The following SDK1 variants were observed in gnomAD, a reference collection of about 807,000 sequenced individuals.
The protein encoded by SDK1 is sidekick cell adhesion molecule 1, also known as protein sidekick-1.
In SDK1, 157 loss-of-function variants were observed where a neutral mutation model predicts 245.5. That is an observed-to-expected ratio of 0.64 (90% CI 0.56 to 0.73). SDK1 has a LOEUF of 0.73. Ranked by LOEUF, SDK1 falls within the 30% of genes least tolerant of loss-of-function variation. The pLI is 0.00. For synonymous variants in SDK1, 1,647 were observed against 1,278.5 expected (o/e 1.29, Z -6.15); for missense variants, 3,583 against 3,002.3 (o/e 1.19, Z -4.52).
intron 1 of SDK1, among the ~76,000 whole-genome samples, chr7:3,428,934 A>C (rs1282933213): frequency 1.3e-5 from 2 of 152,250 alleles, no homozygotes; most frequent in East Asian, 3.8e-4. Flanking sequence ...ATGAGAGATC[A>C]GCAGCAGTGG....
At chr7:4,099,606 C>T (rs1782403430) in intron 22 of SDK1, among the ~76,000 whole-genome samples, 1 of 125,966 alleles carries the variant, frequency 7.9e-6, no homozygotes, top group South Asian at 3.3e-4. Context: ...AAGGTACTAC[C>T]TCCAGGTGAG....
chr7:4,041,702 C>G lies in SDK1; in HGVS notation c.2603-7646C>G, dbSNP rs1220577778. Among the ~76,000 whole-genome samples, 5 of 138,784 alleles carry G rather than the reference C, an allele frequency of 3.6e-5. 1 individual carries two copies. Among genetic ancestry groups the G allele is most frequent in the African/African-American group, 1.6e-4 (5 of 31,068 alleles). The allele number at this position is 138,784 out of a possible 152,430, so 91.0% of individuals were successfully genotyped here. A position where few individuals can be genotyped will look rare whatever the true frequency, so the allele number is the denominator to read the frequency against. On this transcript the variant is annotated intron_variant, in intron 17 of 44. Transcript: ENST00000404826. ...CATATGTAGTTGGAATCACACAACA[C>G]ATGGCTTTTCCAGAATGACATCTTT...
At chr7:4,222,486 G>A (rs1785201461) in intron 40 of SDK1, among the ~76,000 whole-genome samples, 1 of 151,966 alleles carries the variant, frequency 6.6e-6, no homozygotes, top group Admixed American at 6.6e-5. Flanking sequence ...GTAGAGAGGG[G>A]GTTTCACCAT....
chr7:3,762,226 A>G (rs1295650113), intron 4 of SDK1, among the ~76,000 whole-genome samples: 1 of 151,258 alleles, frequency 6.6e-6, no homozygotes, highest in Non-Finnish European at 1.5e-5. Flanking sequence ...AGTACCTCCT[A>G]TGGGACATTC....
At chr7:3,664,831 C>G (rs986590620) in intron 4 of SDK1, among the ~76,000 whole-genome samples, 2 of 151,964 alleles carry the variant, frequency 1.3e-5, no homozygotes, top group African/African-American at 2.4e-5. Flanking sequence ...AACTTGGCAT[C>G]TTTCTTACGG....
intron 1 of SDK1, among the ~76,000 whole-genome samples, chr7:3,384,682 G>C (rs1002712954): frequency 6.6e-6 from 1 of 152,148 alleles, no homozygotes; most frequent in Admixed American, 6.5e-5. Context: ...GCCACATCGC[G>C]AATTTCCAGC....
chr7:3,856,293 G>A (rs1025273312), intron 5 of SDK1, among the ~76,000 whole-genome samples: 1 of 151,932 alleles, frequency 6.6e-6, no homozygotes, highest in Non-Finnish European at 1.5e-5. Context: ...AAAAAATAAT[G>A]TAAATCTGAT....
At chr7:3,849,108 G>A (rs567497052) in intron 5 of SDK1, among the ~76,000 whole-genome samples, 16 of 152,156 alleles carry the variant, frequency 1.1e-4, no homozygotes, top group Middle Eastern at 3.4e-3. Flanking sequence ...TCCATTTGCC[G>A]TCCGAACTTT....
At chr7:3,841,136 C>T (rs769052758) in intron 5 of SDK1, among the ~76,000 whole-genome samples, 14 of 152,202 alleles carry the variant, frequency 9.2e-5, no homozygotes, top group African/African-American at 2.7e-4. Context: ...AGTGAGCTGA[C>T]GGTGCCTTGC....
chr7:3,772,750 G>C (rs577462179), intron 4 of SDK1, among the ~76,000 whole-genome samples: 1 of 152,210 alleles, frequency 6.6e-6, no homozygotes. Flanking sequence ...ATTTTTTGCA[G>C]AGCAGTCTAC....
rs535801544 is a variant in SDK1, at chr7:4,017,412, A to G, written c.2602+60A>G. On this transcript the variant is annotated intron_variant, in intron 17 of 44. Transcript: ENST00000404826. ...TCTTTGCCGGGGAATGGGATTTGCA[A>G]GGTTTGACTGGAGTACGTTAGAAAG... The G allele has an allele frequency of 6.4e-5, 94 of 1,474,684 alleles. No homozygotes were observed. In the East Asian group the frequency reaches 1.5e-3, roughly 23 times the overall value. The allele number at this position is 1,474,684 out of a possible 1,614,324, so 91.3% of individuals were successfully genotyped here. A position where few individuals can be genotyped will look rare whatever the true frequency, so the allele number is the denominator to read the frequency against.
intron 22 of SDK1, among the ~76,000 whole-genome samples, chr7:4,081,115 G>A (rs1289957456): frequency 6.6e-6 from 1 of 152,208 alleles, no homozygotes; most frequent in Admixed American, 6.5e-5. Flanking sequence ...AGCGCTCTCT[G>A]CAGGCTTTAG....
chr7:4,216,081 TG>T (rs1333981330), intron 38 of SDK1, among the ~76,000 whole-genome samples: 1 of 152,214 alleles, frequency 6.6e-6, no homozygotes, highest in African/African-American at 2.4e-5. Flanking sequence ...GCACTCATCC[TG>T]GCAGCTGCTC....
At chr7:4,174,137 T>G in intron 32 of SDK1, 85 bp from the exon 33 acceptor site, 1 of 1,471,612 alleles carries the variant, frequency 6.8e-7, no homozygotes, top group Non-Finnish European at 9.4e-7. Context: ...AGCTGGCTAG[T>G]TAAACAGGGG....
chr7:3,885,385 C>T (rs73294613), intron 5 of SDK1, among the ~76,000 whole-genome samples: 6,116 of 152,276 alleles, frequency 0.04, 424 homozygotes, highest in African/African-American at 0.14. Context: ...GACACACACT[C>T]ATCACATTCC....
At chr7:3,331,715 T>C (rs1562419394) in intron 1 of SDK1, among the ~76,000 whole-genome samples, 4 of 152,206 alleles carry the variant, frequency 2.6e-5, no homozygotes, top group African/African-American at 2.4e-5. Context: ...TTCCTTTGGA[T>C]ACCAGGTTCA....
chr7:3,916,472 GGGGTTTATTTGAACTCTTGC>G (rs1779384223), intron 5 of SDK1, among the ~76,000 whole-genome samples: 1 of 152,164 alleles, frequency 6.6e-6, no homozygotes, highest in South Asian at 2.1e-4. Flanking sequence ...TGATAGAAAA[GGGGTTTATTTGAACTCTTGC>G]CATCTTTGTC....
Position 3,950,952 on chromosome 7 carries a change from C to G in SDK1, c.877C>G (p.Pro293Ala), listed in dbSNP as rs765690257. The G allele has an allele frequency of 1.2e-6, 2 of 1,614,072 alleles. No homozygotes were observed. The highest frequency in any genetic ancestry group is 1.1e-5 in the South Asian group (1 of 91,062). ...RDVGTPETMA[P>A]TIVVPPGNRS... ...TGTTGGCACACCTGAAACCATGGCCCCAACCATTGTGGTTCCCCCGGGCAA... is the reference window on the plus strand; with the variant it reads ...TGTTGGCACACCTGAAACCATGGCCGCAACCATTGTGGTTCCCCCGGGCAA... The change falls in exon 6 of 45, where the codon CCA becomes GCA. Residue 293 changes from proline (P) to alanine (A), a missense_variant. By Grantham distance (27) the Pro-to-Ala change is conservative. Coordinates refer to ENST00000404826, the MANE Select transcript of SDK1 (RefSeq NM_152744.4).
intron 1 of SDK1, among the ~76,000 whole-genome samples, chr7:3,533,046 A>C (rs764212269): frequency 1.1e-4 from 16 of 152,236 alleles, no homozygotes; most frequent in Non-Finnish European, 2.9e-5. Flanking sequence ...AAACAGTCCA[A>C]TTATTCTATC....
Sources: gnomAD v4.1 joint callset for allele counts (sites outside exome capture counted in the v4.1 genomes callset) on GRCh38, gnomAD v4.1.1 for gene constraint, MANE v1.5 for transcripts, NCBI Gene and HGNC (gene_info 2026-07-23, HGNC 2026-07-21) for gene names.